The following SPIDR variants were observed in gnomAD, a reference collection of about 807,000 sequenced individuals.
SPIDR encodes the protein scaffold protein involved in DNA repair, also known as DNA repair-scaffolding protein.
In SPIDR, 93 loss-of-function variants were observed where a neutral mutation model predicts 104.6. The ratio of observed to expected loss-of-function variants is 0.89; its 90% CI spans 0.75 to 1.06. The LOEUF (loss-of-function observed/expected upper bound fraction) is 1.06. Among genes scored for constraint, SPIDR ranks in the 50% least tolerant of loss-of-function variants. The probability of loss-of-function intolerance (pLI) is 0.00; values close to 1 mark genes in which losing one functional copy is unlikely to be tolerated. For missense variants in SPIDR, 1,154 were observed against 1,111.2 expected, an observed-to-expected ratio of 1.04 and a Z score of -0.55; for synonymous variants, 431 against 416.9, an observed-to-expected ratio of 1.03 and a Z score of -0.41.
intron 5 of SPIDR, among the ~76,000 whole-genome samples, chr8:47,341,708 C>G (rs1198791836): frequency 6.6e-6 from 1 of 152,186 alleles, no homozygotes; most frequent in Non-Finnish European, 1.5e-5. Context: ...TCCAGAGCCA[C>G]TAGTAACATT....
intron 8 of SPIDR, among the ~76,000 whole-genome samples, chr8:47,575,631 A>G (rs2059008308): frequency 7.0e-6 from 1 of 142,866 alleles, no homozygotes. Flanking sequence ...TGGGCGACAG[A>G]GAGAGACTCC....
chr8:47,386,706 G>T (rs2059947897), intron 5 of SPIDR, among the ~76,000 whole-genome samples: 1 of 152,146 alleles, frequency 6.6e-6, no homozygotes. Context: ...TCATTCAGTT[G>T]TGAGAAATAA....
At chr8:47,351,963 C>T (rs945362682) in intron 5 of SPIDR, among the ~76,000 whole-genome samples, 4 of 152,044 alleles carry the variant, frequency 2.6e-5, no homozygotes, top group Non-Finnish European at 5.9e-5. Flanking sequence ...GTTCAGGATC[C>T]TTTAAACATT....
At chr8:47,474,880 C>T (rs2076112647) in intron 8 of SPIDR, among the ~76,000 whole-genome samples, 1 of 152,216 alleles carries the variant, frequency 6.6e-6, no homozygotes. Context: ...AAAGCAGTTA[C>T]ATCTGTGGCT....
Position 47,721,750 on chromosome 8 carries a change from CA to C in SPIDR, c.2342-5449del, listed in dbSNP as rs573225837. Among the ~76,000 whole-genome samples the C allele has an allele frequency of 1.1e-3, 174 of 152,320 alleles. 1 individual carries two copies. Among genetic ancestry groups the C allele is most frequent in the Non-Finnish European group, 6.3e-4 (43 of 68,020 alleles). On this transcript the variant is annotated intron_variant, in intron 16 of 19. Coordinates refer to ENST00000297423, the MANE Select transcript of SPIDR (RefSeq NM_001080394.4). ...TTGGCCTCCCAAAGTGCTGGGATTA[CA>C]GGCGTGAGCCACCGCGCCCGGCCAA...
chr8:47,660,544 A>T, intron 10 of SPIDR: 1 of 984,814 alleles, frequency 1.0e-6, no homozygotes, highest in Non-Finnish European at 1.2e-6. Context: ...GTTCCCCTGG[A>T]ACCACTTTCT....
intron 8 of SPIDR, among the ~76,000 whole-genome samples, chr8:47,586,016 C>G (rs943955697): frequency 6.6e-6 from 1 of 152,176 alleles, no homozygotes; most frequent in Non-Finnish European, 1.5e-5. Context: ...GCTTTTTTCA[C>G]TTAGCATCAT....
At chr8:47,714,532 A>G (rs1045985363) in intron 16 of SPIDR, among the ~76,000 whole-genome samples, 1 of 152,230 alleles carries the variant, frequency 6.6e-6, no homozygotes, top group African/African-American at 2.4e-5. Flanking sequence ...CTTAGTAATA[A>G]AAGTCATACA....
At chr8:47,679,470 C>T (rs991390569) in intron 11 of SPIDR, among the ~76,000 whole-genome samples, 7 of 151,082 alleles carry the variant, frequency 4.6e-5, no homozygotes, top group Non-Finnish European at 1.0e-4. Flanking sequence ...CCATCCGCTC[C>T]TGTGCTGGCC....
intron 1 of SPIDR, among the ~76,000 whole-genome samples, chr8:47,266,899 T>C (rs1036230154): frequency 6.6e-6 from 1 of 152,150 alleles, no homozygotes; most frequent in African/African-American, 2.4e-5. Flanking sequence ...CACTCCCCAT[T>C]CTCTCTTCCC....
Position 47,276,676 on chromosome 8 carries a change from A to G in SPIDR, c.34-3186A>G, listed in dbSNP as rs2036496644. Among the ~76,000 whole-genome samples the G allele has an allele frequency of 7.2e-5, 11 of 152,350 alleles. No individual in the cohort carries two copies. In the South Asian group the frequency reaches 8.3e-4, roughly 11 times the overall value. On this transcript the variant is annotated intron_variant, in intron 1 of 19. Transcript: ENST00000297423. The stretch of plus-strand genomic sequence containing the variant: ...ATAAGATATTCAAATGGATAACTCT[A>G]TAAGGCTGCTGGAGAAGGGAGTGAG...
At chr8:47,607,376 G>A (rs2063090333) in intron 10 of SPIDR, among the ~76,000 whole-genome samples, 1 of 151,938 alleles carries the variant, frequency 6.6e-6, no homozygotes, top group African/African-American at 2.4e-5. Context: ...CTTAACCTTT[G>A]CTTGTTTCCT....
intron 8 of SPIDR, among the ~76,000 whole-genome samples, chr8:47,549,988 A>G (rs2154396648): frequency 6.6e-6 from 1 of 152,326 alleles, no homozygotes; most frequent in South Asian, 2.1e-4. Flanking sequence ...ACATATGGCT[A>G]GCCAGTTTTC....
At chr8:47,652,724 A>T (rs575426564) in intron 10 of SPIDR, among the ~76,000 whole-genome samples, 1 of 152,258 alleles carries the variant, frequency 6.6e-6, no homozygotes, top group African/African-American at 2.4e-5. Context: ...AAAGCCTTGT[A>T]TGTATGCATT....
intron 8 of SPIDR, among the ~76,000 whole-genome samples, chr8:47,444,290 C>A (rs561008859): frequency 6.6e-6 from 1 of 152,270 alleles, no homozygotes; most frequent in South Asian, 2.1e-4. Flanking sequence ...TTACATCCTG[C>A]CATGAAATCT....
chr8:47,319,256 C>T (rs951936749), intron 5 of SPIDR, among the ~76,000 whole-genome samples: 66 of 152,022 alleles, frequency 4.3e-4, no homozygotes, highest in African/African-American at 1.5e-3. Context: ...GAAGATCTAC[C>T]AAGGAAATGG....
At chr8:47,404,521 C>G (rs1347245547) in intron 6 of SPIDR, among the ~76,000 whole-genome samples, 1 of 152,100 alleles carries the variant, frequency 6.6e-6, no homozygotes, top group African/African-American at 2.4e-5. Context: ...TCAAACAACC[C>G]AATCAAAAAG....
intron 8 of SPIDR, among the ~76,000 whole-genome samples, chr8:47,445,762 G>C (rs782181243): frequency 6.6e-6 from 1 of 152,328 alleles, no homozygotes; most frequent in South Asian, 2.1e-4. Context: ...AAGCAAAGCT[G>C]CCTTATTGCT....
At chr8:47,468,480 A>C (rs1333853377) in intron 8 of SPIDR, among the ~76,000 whole-genome samples, 2 of 152,220 alleles carry the variant, frequency 1.3e-5, no homozygotes, top group Non-Finnish European at 2.9e-5. Context: ...TAACAAAGAC[A>C]GTATAGTACT....
Sources: allele counts gnomAD v4.1 joint callset (sites outside exome capture counted in the v4.1 genomes callset), GRCh38; gene constraint gnomAD v4.1.1; transcripts MANE v1.5; gene names NCBI Gene and HGNC (gene_info 2026-07-23, HGNC 2026-07-21).